UTS2B: variants seen among roughly 807,000 people sequenced by gnomAD.
UTS2B encodes the protein urotensin 2B.
Under a neutral mutation model 19.2 loss-of-function variants are expected in UTS2B, and 21 were observed. That is an observed-to-expected ratio of 1.09 (90% CI 0.78 to 1.58). The LOEUF is 1.58. Among genes scored for constraint, UTS2B ranks in the 40% most tolerant of loss-of-function variants. UTS2B has a pLI of 0.00. For missense variants in UTS2B, 138 were observed against 130.3 expected (o/e 1.06, Z -0.29); for synonymous variants, 57 against 50.2 (o/e 1.14, Z -0.58).
chr3:191,302,424 C>T (rs988785424), intron 4 of UTS2B, among the ~76,000 whole-genome samples: 3 of 152,224 alleles, frequency 2.0e-5, no homozygotes, highest in Admixed American at 6.5e-5. Context: ...GCTGCTCAGC[C>T]TATGGAGTAG....
upstream of UTS2B, among the ~76,000 whole-genome samples, chr3:191,330,867 A>G (rs1194380150): frequency 1.3e-5 from 2 of 152,164 alleles, no homozygotes; most frequent in East Asian, 3.9e-4. Flanking sequence ...CACTGATTTT[A>G]TGTAGAATTT....
chr3:191,301,230 T>C (rs1460009607), intron 4 of UTS2B, among the ~76,000 whole-genome samples: 1 of 152,192 alleles, frequency 6.6e-6, no homozygotes, highest in Non-Finnish European at 1.5e-5. Context: ...TGTCTCATTC[T>C]AGCTGGTGCC....
At chr3:191,307,493 T>C (rs1261076017) in intron 3 of UTS2B, among the ~76,000 whole-genome samples, 2 of 152,192 alleles carry the variant, frequency 1.3e-5, no homozygotes, top group Non-Finnish European at 1.5e-5. Flanking sequence ...TGTGTTTCTG[T>C]GTTGGCTGCA....
chr3:191,315,803 T>C (rs548097631), intron 3 of UTS2B, among the ~76,000 whole-genome samples: 266 of 152,354 alleles, frequency 1.7e-3, no homozygotes, highest in Middle Eastern at 3.4e-3. Flanking sequence ...TTTTAAATTT[T>C]ATTAGTTATG....
chr3:191,305,897 C>T (rs1717124865), intron 3 of UTS2B, among the ~76,000 whole-genome samples: 1 of 152,144 alleles, frequency 6.6e-6, no homozygotes, highest in Admixed American at 6.6e-5. Context: ...TCAGTTATTC[C>T]AGCACCATTT....
At chr3:191,298,367 C>T (rs890438329) in intron 4 of UTS2B, among the ~76,000 whole-genome samples, 3 of 152,060 alleles carry the variant, frequency 2.0e-5, no homozygotes, top group African/African-American at 7.3e-5. Flanking sequence ...GGGTAGATTT[C>T]CCCCCTGCTG....
the UTS2B span, among the ~76,000 whole-genome samples, chr3:191,341,646 C>G: frequency 1.3e-5 from 2 of 152,032 alleles, no homozygotes. Flanking sequence ...TGTTTTCAGC[C>G]TTTGTTGGGA....
At chr3:191,290,974 A>G (rs2108584343) in intron 4 of UTS2B, among the ~76,000 whole-genome samples, 1 of 152,338 alleles carries the variant, frequency 6.6e-6, no homozygotes, top group African/African-American at 2.4e-5. Flanking sequence ...AATTCTTGGT[A>G]GAATTCCTTA....
chr3:191,277,268 T>A (rs1430002232), intron 6 of UTS2B, among the ~76,000 whole-genome samples: 1 of 152,178 alleles, frequency 6.6e-6, no homozygotes, highest in Non-Finnish European at 1.5e-5. Context: ...GCTCCAGGTT[T>A]TAAAATTTGG....
At chr3:191,311,450 T>C (rs1717299579) in intron 3 of UTS2B, among the ~76,000 whole-genome samples, 1 of 152,248 alleles carries the variant, frequency 6.6e-6, no homozygotes, top group Non-Finnish European at 1.5e-5. Flanking sequence ...TCCACCTGTC[T>C]GTCATCCCTG....
rs149684998 is a variant in UTS2B at position 191,281,201 on chromosome 3, G to A, written c.103+886C>T. The stretch of plus-strand genomic sequence containing the variant: ...TGTCTTGGTTCCCCTTAAGTAAGCT[G>A]AGAGGAAAAGGTTATCTCCCTCTTC... On this transcript the variant is annotated intron_variant, in intron 5 of 8. Coordinates refer to ENST00000340524, the MANE Select transcript of UTS2B (RefSeq NM_198152.5). Among the ~76,000 whole-genome samples the A allele has an allele frequency of 5.9e-5, 9 of 152,258 alleles. No individual in the cohort carries two copies. The East Asian group carries it at 1.7e-3, about 29-fold the overall frequency.
the UTS2B span, among the ~76,000 whole-genome samples, chr3:191,345,678 C>T: frequency 6.6e-6 from 1 of 152,172 alleles, no homozygotes; most frequent in South Asian, 2.1e-4. Context: ...AACATATCTA[C>T]TTGCCAAACA....
At chr3:191,269,756 G>T (rs1039963999) in intron 8 of UTS2B, among the ~76,000 whole-genome samples, 2 of 152,188 alleles carry the variant, frequency 1.3e-5, no homozygotes, top group Admixed American at 6.5e-5. Flanking sequence ...GAGTCTGGCA[G>T]AAGAATATAA....
intron 2 of UTS2B, among the ~76,000 whole-genome samples, chr3:191,323,336 T>G (rs993562874): frequency 6.6e-6 from 1 of 152,052 alleles, no homozygotes; most frequent in Admixed American, 6.6e-5. Flanking sequence ...GCCCAGCTAA[T>G]TCTTGTATTT....
chr3:191,325,052 GA>G (rs1299848167), intron 2 of UTS2B, among the ~76,000 whole-genome samples: 1 of 134,426 alleles, frequency 7.4e-6, no homozygotes, highest in Non-Finnish European at 1.7e-5. Context: ...TCCATCTCAG[GA>G]AAAAAAAATA....
At chr3:191,318,765 C>T (rs1040768498) in intron 2 of UTS2B, among the ~76,000 whole-genome samples, 3 of 152,202 alleles carry the variant, frequency 2.0e-5, no homozygotes, top group Non-Finnish European at 2.9e-5. Context: ...GCTGCTGTGC[C>T]TGGCTGAAGA....
At chr3:191,322,669 A>C (rs1390899364) in intron 2 of UTS2B, among the ~76,000 whole-genome samples, 1 of 152,212 alleles carries the variant, frequency 6.6e-6, no homozygotes, top group Non-Finnish European at 1.5e-5. Context: ...AGGTGGAGGA[A>C]TTACAGCAAG....
At chr3:191,338,092 T>G in the UTS2B span, among the ~76,000 whole-genome samples, 1 of 152,296 alleles carries the variant, frequency 6.6e-6, no homozygotes. Flanking sequence ...CCATTAACTT[T>G]AGGAGTTTTA....
At chr3:191,300,152 C>T (rs975247435) in intron 4 of UTS2B, among the ~76,000 whole-genome samples, 1 of 152,136 alleles carries the variant, frequency 6.6e-6, no homozygotes, top group African/African-American at 2.4e-5. Context: ...CTGGTTCAAG[C>T]GATTCTCCCA....
Sources: allele counts gnomAD v4.1 joint callset (sites outside exome capture counted in the v4.1 genomes callset), GRCh38; gene constraint gnomAD v4.1.1; transcripts MANE v1.5; gene names NCBI Gene and HGNC (gene_info 2026-07-23, HGNC 2026-07-21).